Variants in CCM2L observed in about 807,000 individuals in gnomAD.
CCM2L encodes the protein CCM2 like scaffold protein.
A neutral mutation model predicts 54.1 loss-of-function variants in CCM2L; 36 were observed. The observed-to-expected ratio is 0.67, with a 90% CI of 0.51 to 0.88. The LOEUF (loss-of-function observed/expected upper bound fraction) is 0.88, where lower values mean the gene tolerates loss of function less well. CCM2L is among the 40% of genes least tolerant of loss of function. The pLI, the probability that CCM2L is intolerant of heterozygous loss-of-function variation, is 0.00. For synonymous variants in CCM2L, 351 were observed against 359.3 expected (o/e 0.98, Z 0.26); for missense variants, 700 against 812.1 (o/e 0.86, Z 1.68).
At chr20:32,016,549 G>T (rs1226819527) in intron 2 of CCM2L, among the ~76,000 whole-genome samples, 3 of 151,894 alleles carry the variant, frequency 2.0e-5, no homozygotes, top group Non-Finnish European at 4.4e-5. Flanking sequence ...CCAGCTACTG[G>T]GGAGGCTGAG....
Position 32,014,951 on chromosome 20 carries a change from C to T in CCM2L, c.78C>T (p.Arg26=). ...GGCTGGTGTTCCCCAAGGCCGGGCG[C>T]CGGGCAGCCTGTAGGAGCAGCGTGA... The part of the protein sequence containing the change: ...IRRLVFPKAG[R]RAACRSSVSR... Residue 26 remains arginine (R), a synonymous_variant, in exon 2 of 10, where the codon CGC becomes CGT. Coordinates refer to ENST00000452892, the MANE Select transcript of CCM2L (RefSeq NM_001365692.1). 3.1e-6 allele frequency: 5 copies of T among 1,602,260 alleles called. No homozygotes were observed. In the South Asian group the frequency reaches 4.4e-5, roughly 14 times the overall value.
rs369213747 is a variant in CCM2L, at chr20:32,014,971, G to C, written c.98G>C (p.Ser33Thr). The change falls in exon 2 of 10, where the codon AGC becomes ACC. Residue 33 changes from serine (S) to threonine (T), a missense_variant. By Grantham distance (58) the Ser-to-Thr change is moderately conservative (BLOSUM62 1). Transcript: ENST00000452892. ...GGGCGCCGGGCAGCCTGTAGGAGCA[G>C]CGTGAGCCGCCGGCCCCTGCACTCG... is the stretch of plus-strand genomic sequence containing the variant. ...KAGRRAACRSSVSRRPLHSMP... is the reference protein window; with the variant it reads ...KAGRRAACRSTVSRRPLHSMP... 3.8e-6 allele frequency: 6 copies of C among 1,597,850 alleles called. No individual in the cohort carries two copies. The highest frequency in any genetic ancestry group is 5.1e-6 in the Non-Finnish European group (6 of 1,172,638).
At chr20:32,011,028 C>T (rs955138254) in intron 1 of CCM2L, among the ~76,000 whole-genome samples, 9 of 152,194 alleles carry the variant, frequency 5.9e-5, no homozygotes, top group Non-Finnish European at 1.2e-4. Context: ...TTCTAGTATG[C>T]TTCTCTGGGT....
chr20:32,013,185 A>C (rs2064708577), intron 1 of CCM2L, among the ~76,000 whole-genome samples: 1 of 152,166 alleles, frequency 6.6e-6, no homozygotes, highest in Non-Finnish European at 1.5e-5. Context: ...TGTAGTCCCA[A>C]TTACTTGGAA....
At chr20:32,016,364 C>T (rs1401824968) in intron 2 of CCM2L, among the ~76,000 whole-genome samples, 1 of 152,066 alleles carries the variant, frequency 6.6e-6, no homozygotes, top group Non-Finnish European at 1.5e-5. Flanking sequence ...TGTTGATCAA[C>T]GGCCAGGCAC....
At chr20:32,013,058 G>T (rs533871542) in intron 1 of CCM2L, among the ~76,000 whole-genome samples, 2 of 152,118 alleles carry the variant, frequency 1.3e-5, no homozygotes, top group South Asian at 2.1e-4. Flanking sequence ...CAGCACTTTG[G>T]GAGGCCAAGG....
intron 2 of CCM2L, among the ~76,000 whole-genome samples, chr20:32,016,959 C>G (rs545033439): frequency 6.6e-6 from 1 of 151,896 alleles, no homozygotes. Context: ...GGCAGCCTGG[C>G]CAACATGGTG....
intron 7 of CCM2L, among the ~76,000 whole-genome samples, chr20:32,026,737 A>G (rs975048200): frequency 2.0e-5 from 3 of 151,980 alleles, no homozygotes; most frequent in African/African-American, 7.3e-5. Flanking sequence ...TTAGCCAGGT[A>G]TGGTGGCGCA....
At chr20:32,023,880 G>A (rs775052226) in intron 6 of CCM2L, among the ~76,000 whole-genome samples, 1 of 152,134 alleles carries the variant, frequency 6.6e-6, no homozygotes, top group African/African-American at 2.4e-5. Flanking sequence ...ACAGGCATGC[G>A]CCACTACGCC....
chr20:32,022,788 C>CA lies in CCM2L; in HGVS notation c.1063dup (p.Ser355LysfsTer4), dbSNP rs1179601567. The stretch of plus-strand genomic sequence containing the variant: ...CCACACCTGAACGGCCATGGCTCTG[C>CA]AGCCGCAGTGAGTACCAGAACTCCT... On this transcript the variant is annotated frameshift_variant, in exon 6 of 10. Coordinates refer to ENST00000452892, the MANE Select transcript of CCM2L (RefSeq NM_001365692.1). LOFTEE classifies it high-confidence loss of function. The CA allele has an allele frequency of 6.2e-7, 1 of 1,612,874 alleles. No homozygotes were observed. The highest frequency in any genetic ancestry group is 8.5e-7 in the Non-Finnish European group (1 of 1,180,026).
rs2064827946 is a variant in CCM2L, at chr20:32,023,666, A to T, written c.1069+871A>T. Among the ~76,000 whole-genome samples, 3 of 152,212 alleles carry T rather than the reference A, an allele frequency of 2.0e-5. No individual in the cohort carries two copies. In the South Asian group the frequency reaches 6.2e-4, roughly 32 times the overall value. On this transcript the variant is annotated intron_variant, in intron 6 of 9. Coordinates refer to ENST00000452892, the MANE Select transcript of CCM2L (RefSeq NM_001365692.1). ...CAGATACTCATGAAGTATTTTTCTG[A>T]ATGGATGAAAGAACTCTCTGAGGCC...
chr20:32,021,501 C>A (rs2064806818), intron 5 of CCM2L, among the ~76,000 whole-genome samples: 1 of 152,084 alleles, frequency 6.6e-6, no homozygotes, highest in Admixed American at 6.5e-5. Context: ...ACTAAAAATA[C>A]AAAAAATTAT....
Position 32,019,036 on chromosome 20 carries a change from G to T in CCM2L, c.560G>T (p.Arg187Leu). 2 of 1,319,058 alleles carry T rather than the reference G, an allele frequency of 1.5e-6. No homozygotes were observed. The highest frequency in any genetic ancestry group is 2.1e-5 in the South Asian group (1 of 47,500). The allele number at this position is 1,319,058 out of a possible 1,614,324, so 81.7% of individuals were successfully genotyped here. ...PGPPGGAPEK[R>L]RVGTAERRHT... is the part of the protein sequence containing the mutation. ...CCGCCAGGCGGGGCGCCCGAGAAGC[G>T]GCGGGTGGGCACCGCGGAGCGGCGC... Residue 187 changes from arginine to leucine, a missense_variant, in exon 5 of 10, where the codon CGG (arginine) becomes CTG (leucine). Arg to Leu is a moderately radical substitution (Grantham distance 102). Transcript: ENST00000452892.
chr20:32,025,801 G>A, intron 6 of CCM2L, 55 bp from the exon 7 acceptor site: 2 of 1,229,518 alleles, frequency 1.6e-6, no homozygotes, highest in South Asian at 2.5e-5. Flanking sequence ...AGGGAGCAGG[G>A]GATGCTGATC....
chr20:32,020,377 CTGGT>C (rs143788369), intron 5 of CCM2L, among the ~76,000 whole-genome samples: 1 of 152,342 alleles, frequency 6.6e-6, no homozygotes, highest in East Asian at 1.9e-4. Flanking sequence ...TCCTACCAAG[CTGGT>C]TCCTCCTCTT....
Position 32,029,082 on chromosome 20 carries a change from C to CAGCAGTCTG in CCM2L, c.1222_1230dup (p.Ser408_Leu410dup), listed in dbSNP as rs772932316. ...GCTCCCACTGCAGCGGCAGCGACCA[C>CAGCAGTCTG]AGCAGTCTGGGCTTGGAGCAGTTAC... On this transcript the variant is annotated inframe_insertion, in exon 8 of 10. Transcript: ENST00000452892. The CAGCAGTCTG allele has an allele frequency of 1.9e-6, 3 of 1,614,194 alleles. No homozygotes were observed. In the South Asian group the frequency reaches 3.3e-5, roughly 18 times the overall value.
In CCM2L at chr20:32,015,137, C is replaced by A. The variant is rs946333961; in HGVS notation, c.198+66C>A. On this transcript the variant is annotated intron_variant, in intron 2 of 9. Transcript: ENST00000452892. ...AGGAGACCTTCACTTCTCCTTGACA[C>A]CAAGTTCTGATCAGCCGTATCTCAC... 1.6e-5 allele frequency: 23 copies of A among 1,402,108 alleles called. No individual in the cohort carries two copies. In the South Asian group the frequency reaches 2.9e-4, roughly 18 times the overall value. 86.9% of individuals were successfully genotyped at this position (1,402,108 alleles called of 1,614,324 possible).
At chr20:32,012,946 C>T (rs911599015) in intron 1 of CCM2L, among the ~76,000 whole-genome samples, 1 of 152,172 alleles carries the variant, frequency 6.6e-6, no homozygotes, top group Non-Finnish European at 1.5e-5. Context: ...CACATTCACT[C>T]AGTGGTTTTC....
At chr20:32,018,872 C>A in intron 4 of CCM2L, 71 bp from the exon 5 acceptor site, 1 of 1,237,632 alleles carries the variant, frequency 8.1e-7, no homozygotes. Flanking sequence ...AGGTGGCCAG[C>A]CGGCCTCGGC....
Sources: allele counts gnomAD v4.1 joint callset (sites outside exome capture counted in the v4.1 genomes callset), GRCh38; gene constraint gnomAD v4.1.1; transcripts MANE v1.5; gene names NCBI Gene and HGNC (gene_info 2026-07-23, HGNC 2026-07-21).